The following TAF2 variants were observed in gnomAD, a reference collection of about 807,000 sequenced individuals.
The protein encoded by TAF2 is TATA-box binding protein associated factor 2.
In TAF2, 61 loss-of-function variants were observed where a neutral mutation model predicts 138.5. The observed-to-expected ratio is 0.44, with a 90% CI of 0.36 to 0.54. The LOEUF is 0.54. Ranked by LOEUF, TAF2 falls within the 20% of genes least tolerant of loss-of-function variation. TAF2 has a pLI of 0.00. For missense variants in TAF2, 1,090 were observed against 1,427.9 expected (o/e 0.76, Z 3.81); for synonymous variants, 475 against 469.9 (o/e 1.01, Z -0.14).
chr8:119,731,103 A>C lies in TAF2; in HGVS notation c.*821T>G, dbSNP rs369917395. On this transcript the variant is annotated 3_prime_UTR_variant, in exon 26 of 26. Transcript: ENST00000378164. ...TTGTGTCATATAGAAATAATTTTGG[A>C]AACAGTATGTGTTGGGTGTGTAAAT... 2 of 152,344 alleles carry C rather than the reference A, an allele frequency of 1.3e-5. No individual in the cohort carries two copies. Among genetic ancestry groups the C allele is most frequent in the African/African-American group, 4.8e-5 (2 of 41,580 alleles). The allele number at this position is 152,344 out of a possible 1,614,324, so 9.4% of individuals were successfully genotyped here.
At chr8:119,813,525 C>T (rs1420091846) in intron 3 of TAF2, among the ~76,000 whole-genome samples, 1 of 152,032 alleles carries the variant, frequency 6.6e-6, no homozygotes, top group Non-Finnish European at 1.5e-5. Flanking sequence ...CTGATTAGTC[C>T]AAATAGGAAG....
intron 14 of TAF2, among the ~76,000 whole-genome samples, 197 bp downstream of exon 14, chr8:119,788,141 G>A (rs1054239507): frequency 4.6e-5 from 7 of 152,134 alleles, no homozygotes; most frequent in African/African-American, 1.7e-4. Context: ...TAATGTAGAT[G>A]ACAGGTTGAT....
At chr8:119,756,234 C>A in intron 21 of TAF2, 119 bp from the exon 22 acceptor site, 2 of 715,184 alleles carry the variant, frequency 2.8e-6, no homozygotes, top group Non-Finnish European at 5.0e-6. Context: ...TTAACACTTT[C>A]TCTCTTAAAT....
Position 119,789,764 on chromosome 8 carries a change from T to C in TAF2, c.1414-18A>G. The C allele has an allele frequency of 6.2e-7, 1 of 1,610,366 alleles. No homozygotes were observed. The highest frequency in any genetic ancestry group is 2.2e-5 in the East Asian group (1 of 44,704). On this transcript the variant is annotated intron_variant, in intron 11 of 25. Coordinates refer to ENST00000378164, the MANE Select transcript of TAF2 (RefSeq NM_003184.4). ...TTGAAAACCTGTAAGGATAAAATCA[T>C]TTAGTAAATTCATATAACAGATTCT... is the stretch of plus-strand genomic sequence containing the variant.
chr8:119,793,736 T>C (rs551353085), intron 9 of TAF2, among the ~76,000 whole-genome samples: 3 of 152,152 alleles, frequency 2.0e-5, no homozygotes, highest in Non-Finnish European at 4.4e-5. Context: ...CTCTGAGCTG[T>C]CTCCAAGTTT....
chr8:119,826,824 C>T (rs949444942), intron 2 of TAF2, among the ~76,000 whole-genome samples: 1 of 152,128 alleles, frequency 6.6e-6, no homozygotes, highest in Non-Finnish European at 1.5e-5. Flanking sequence ...AACTCCTGAC[C>T]TTACACCAGC....
In TAF2 at chr8:119,783,735, G is replaced by C. The variant is rs150127340; in HGVS notation, c.1860-102C>G. 3,276 of 1,404,108 alleles carry C rather than the reference G, an allele frequency of 2.3e-3. 35 individuals are homozygous for C. Among genetic ancestry groups the C allele is most frequent in the South Asian group, 0.019 (1,462 of 75,086 alleles). The allele number at this position is 1,404,108 out of a possible 1,614,324, so 87.0% of individuals were successfully genotyped here. ...CATTTATTTACCAGGTTTCCTTTTA[G>C]ATGTAGTATTCAAGACTGCCTGGAG... On this transcript the variant is annotated intron_variant, in intron 15 of 25. Coordinates refer to ENST00000378164, the MANE Select transcript of TAF2 (RefSeq NM_003184.4).
At chr8:119,811,555 C>T (rs1056309724) in intron 3 of TAF2, among the ~76,000 whole-genome samples, 2 of 152,012 alleles carry the variant, frequency 1.3e-5, no homozygotes, top group Non-Finnish European at 1.5e-5. Flanking sequence ...GCCTGTAATC[C>T]CAGCACTTTG....
chr8:119,812,995 A>T (rs902194781), intron 3 of TAF2, among the ~76,000 whole-genome samples: 2 of 152,120 alleles, frequency 1.3e-5, no homozygotes, highest in African/African-American at 4.8e-5. Flanking sequence ...AAAGTGGTAG[A>T]TCTACTTGAA....
chr8:119,813,947 A>G (rs1825270930), intron 3 of TAF2, among the ~76,000 whole-genome samples: 1 of 152,142 alleles, frequency 6.6e-6, no homozygotes, highest in African/African-American at 2.4e-5. Flanking sequence ...GAGACCATGC[A>G]TCCAGTAAAA....
At chr8:119,796,619 T>C (rs1306528718) in intron 8 of TAF2, among the ~76,000 whole-genome samples, 1 of 152,110 alleles carries the variant, frequency 6.6e-6, no homozygotes, top group Non-Finnish European at 1.5e-5. Flanking sequence ...TTCTTTTATT[T>C]ATAGAATTCA....
chr8:119,789,948 A>G (rs1823302868), intron 11 of TAF2, among the ~76,000 whole-genome samples: 1 of 152,144 alleles, frequency 6.6e-6, no homozygotes, highest in South Asian at 2.1e-4. Context: ...CATTCTTCAT[A>G]TAAACATTAT....
Position 119,806,386 on chromosome 8 carries a change from A to C in TAF2, c.315T>G (p.Tyr105Ter), listed in dbSNP as rs1414951358. 1 of 1,613,784 alleles carries C rather than the reference A, an allele frequency of 6.2e-7. No homozygotes were observed. Among genetic ancestry groups the C allele is most frequent in the Non-Finnish European group, 8.5e-7 (1 of 1,179,866 alleles). Reference sequence around the variant, plus strand: ...CTGCAGCTGCATAAGCATTGGAAAAATAATTGAGGTTTCTCCTGGGGAAAA... The same window carrying C: ...CTGCAGCTGCATAAGCATTGGAAAACTAATTGAGGTTTCTCCTGGGGAAAA... Reference protein sequence around the residue: ...HSESKQRNLNYFSNAYAAAVS... With the variant: ...HSESKQRNLN The change falls in exon 4 of 26, where the codon TAT becomes TAG. Residue 105 changes from tyrosine to a stop codon, truncating the protein, a stop_gained. Coordinates refer to ENST00000378164, the MANE Select transcript of TAF2 (RefSeq NM_003184.4). LOFTEE classifies it high-confidence loss of function.
intron 18 of TAF2, among the ~76,000 whole-genome samples, chr8:119,773,843 A>C (rs1224722955): frequency 1.3e-5 from 2 of 151,580 alleles, no homozygotes; most frequent in African/African-American, 4.8e-5. Flanking sequence ...TTAGCAGGTT[A>C]ATTAACCTAA....
At chr8:119,774,962 A>T (rs1269884069) in intron 18 of TAF2, among the ~76,000 whole-genome samples, 1 of 152,086 alleles carries the variant, frequency 6.6e-6, no homozygotes, top group Non-Finnish European at 1.5e-5. Context: ...AACATGACAA[A>T]AAAAAAGGAC....
chr8:119,812,465 T>C (rs925114430), intron 3 of TAF2, among the ~76,000 whole-genome samples: 1 of 152,146 alleles, frequency 6.6e-6, no homozygotes, highest in Non-Finnish European at 1.5e-5. Context: ...TGTCATTTTT[T>C]AAATCTCTCC....
chr8:119,782,114 A>G (rs1017975835), intron 16 of TAF2, among the ~76,000 whole-genome samples: 7 of 152,340 alleles, frequency 4.6e-5, no homozygotes, highest in Non-Finnish European at 7.3e-5. Context: ...ATTCGTTTAG[A>G]CAGATATAAT....
intron 2 of TAF2, among the ~76,000 whole-genome samples, chr8:119,827,120 G>A (rs1333972773): frequency 6.6e-6 from 1 of 152,162 alleles, no homozygotes; most frequent in African/African-American, 2.4e-5. Flanking sequence ...CTGAGCCCAG[G>A]GAGGTTGAGG....
At chr8:119,824,312 C>T (rs971875208) in intron 2 of TAF2, among the ~76,000 whole-genome samples, 2 of 151,708 alleles carry the variant, frequency 1.3e-5, no homozygotes, top group African/African-American at 4.8e-5. Flanking sequence ...CGCCTGTAAT[C>T]CCAGCTACTC....
Sources: gnomAD v4.1 joint callset for allele counts (sites outside exome capture counted in the v4.1 genomes callset) on GRCh38, gnomAD v4.1.1 for gene constraint, MANE v1.5 for transcripts, NCBI Gene and HGNC (gene_info 2026-07-23, HGNC 2026-07-21) for gene names.